Variants in KCNIP2 observed in about 807,000 individuals in gnomAD.
KCNIP2 encodes potassium voltage-gated channel interacting protein 2, also known as A-type potassium channel modulatory protein KCNIP2.
Under a neutral mutation model 39.0 loss-of-function variants are expected in KCNIP2, and 19 were observed. The ratio of observed to expected loss-of-function variants is 0.49; its 90% CI spans 0.34 to 0.71. The LOEUF is 0.71. KCNIP2 is among the 30% of genes least tolerant of loss of function. The pLI is 0.01. For missense variants in KCNIP2, 261 were observed against 346.0 expected (o/e 0.75, Z 1.95); for synonymous variants, 111 against 131.2 (o/e 0.85, Z 1.05).
At chr10:101,830,931 G>T in intron 2 of KCNIP2, 141 bp downstream of exon 2, 1 of 787,842 alleles carries the variant, frequency 1.3e-6, no homozygotes, top group Non-Finnish European at 2.1e-6. Context: ...CACACACGCA[G>T]GCCTGGGGCA....
intron 1 of KCNIP2, among the ~76,000 whole-genome samples, chr10:101,834,608 C>T (rs2066094779): frequency 6.6e-6 from 1 of 152,216 alleles, no homozygotes; most frequent in Non-Finnish European, 1.5e-5. Context: ...GGACTGGCAC[C>T]TCCTTGGGAA....
At position 101,838,683 on chromosome 10, in the gene KCNIP2, G is replaced by A. The variant is rs2066232931; in HGVS notation, c.73+4813C>T. On this transcript the variant is annotated intron_variant, in intron 1 of 9. Coordinates refer to ENST00000356640, the MANE Select transcript of KCNIP2 (RefSeq NM_173191.3). This position sits in a 1 kb window ranked among gnomAD's most constrained non-coding sequence, Gnocchi z 4.0. ...GGGCTTGGAGGTTGTATGCTCCCCA[G>A]AAGATTTCCAGGTATGGTTCTGGCT... is the stretch of plus-strand genomic sequence containing the variant. 6.6e-6 allele frequency among the ~76,000 whole-genome samples: 1 copy of A among 152,200 alleles called. No homozygotes were observed. Among genetic ancestry groups the A allele is most frequent in the Non-Finnish European group, 1.5e-5 (1 of 68,042 alleles).
At chr10:101,840,993 C>T (rs1451326617) in intron 1 of KCNIP2, among the ~76,000 whole-genome samples, 2 of 152,248 alleles carry the variant, frequency 1.3e-5, no homozygotes, top group Non-Finnish European at 2.9e-5. Context: ...GACAGGGCCG[C>T]TGCTAAACGC....
At chr10:101,839,616 G>C (rs1164050606) in intron 1 of KCNIP2, 5 of 792,882 alleles carry the variant, frequency 6.3e-6, no homozygotes, top group Non-Finnish European at 1.1e-5. Flanking sequence ...ATCTCGTCTT[G>C]GAAGCCCTTT....
intron 1 of KCNIP2, among the ~76,000 whole-genome samples, chr10:101,840,550 A>ACCCCCCCCCCC (rs5787446): frequency 1.0e-5 from 1 of 95,966 alleles, no homozygotes; most frequent in Non-Finnish European, 2.0e-5. Flanking sequence ...CCCCCCCCGC[A>ACCCCCCCCCCC]CCCCCCCCCC....
intron 1 of KCNIP2, chr10:101,839,910 C>A: frequency 6.9e-7 from 1 of 1,446,186 alleles, no homozygotes; most frequent in Non-Finnish European, 9.2e-7. Context: ...CCGCCCTCAC[C>A]CGGGTAGGCC....
At chr10:101,841,397 C>T (rs2066335499) in intron 1 of KCNIP2, among the ~76,000 whole-genome samples, 1 of 152,182 alleles carries the variant, frequency 6.6e-6, no homozygotes. Flanking sequence ...AGCTCAGCGC[C>T]GCCCGCCCGC....
At chr10:101,834,443 C>T (rs961964547) in intron 1 of KCNIP2, 1 of 398,886 alleles carries the variant, frequency 2.5e-6, no homozygotes, top group Non-Finnish European at 4.4e-6. Flanking sequence ...CCACCTCCCC[C>T]TCAGACTCCC....
chr10:101,842,897 G>T (rs2066373668), intron 1 of KCNIP2, among the ~76,000 whole-genome samples: 1 of 152,168 alleles, frequency 6.6e-6, no homozygotes, highest in Non-Finnish European at 1.5e-5. Context: ...ACAAATTCTT[G>T]CCCAGAGGGC....
Position 101,829,170 on chromosome 10 carries a change from T to C in KCNIP2, c.253A>G (p.Thr85Ala). 1.2e-6 allele frequency: 2 copies of C among 1,614,018 alleles called. No individual in the cohort carries two copies. The highest frequency in any genetic ancestry group is 1.7e-6 in the Non-Finnish European group (2 of 1,179,970). The stretch of plus-strand genomic sequence containing the variant: ...AGACCCTCAGGCCGGTGACACACGG[T>C]GGACAATTCAAATTCATCGTCCACG... ...DSVDDEFELS[T>A]VCHRPEGLEQ... Residue 85 changes from threonine to alanine, a missense_variant, in exon 4 of 10, where the codon ACC becomes GCC. Transcript: ENST00000356640.
intron 1 of KCNIP2, among the ~76,000 whole-genome samples, chr10:101,833,300 C>G (rs2066052041): frequency 6.6e-6 from 1 of 152,112 alleles, no homozygotes; most frequent in South Asian, 2.1e-4. Context: ...ATTACTCTCC[C>G]TACTGACTTT....
At chr10:101,835,771 CTGAGCATTCACTAT>C (rs1158927378) in intron 1 of KCNIP2, among the ~76,000 whole-genome samples, 1 of 152,196 alleles carries the variant, frequency 6.6e-6, no homozygotes, top group Non-Finnish European at 1.5e-5. Context: ...CTAACGGTGA[CTGAGCATTCACTAT>C]GTACTAGATA....
In KCNIP2 at chr10:101,828,660, T is replaced by C. The variant is rs919400815; in HGVS notation, c.385A>G (p.Lys129Glu). The C allele has an allele frequency of 1.2e-6, 2 of 1,614,048 alleles. No homozygotes were observed. The highest frequency in any genetic ancestry group is 2.7e-5 in the African/African-American group (2 of 74,912). The change falls in exon 5 of 10, where the codon AAG (lysine) becomes GAG (glutamate). Residue 129 changes from lysine to glutamate, a missense_variant. By Grantham distance (56) the Lys-to-Glu change is moderately conservative. Coordinates refer to ENST00000356640, the MANE Select transcript of KCNIP2 (RefSeq NM_173191.3). This position sits in a 1 kb window ranked among gnomAD's most constrained non-coding sequence, Gnocchi z 6.6. ...PSGIVNEENF[K>E]QIYSQFFPQG... ...GGAAAGAACTGGGAGTAAATCTGCTTGAAGTTCTCCTCATTGACAATTCCG... is the reference window on the plus strand; with the variant it reads ...GGAAAGAACTGGGAGTAAATCTGCTCGAAGTTCTCCTCATTGACAATTCCG...
rs570356414 is a variant in KCNIP2 at position 101,843,177 on chromosome 10, G to A, written c.73+319C>T. Among the ~76,000 whole-genome samples, 6 of 151,922 alleles carry A rather than the reference G, an allele frequency of 3.9e-5. No individual in the cohort carries two copies. The highest frequency in any genetic ancestry group is 2.6e-4 in the Admixed American group (4 of 15,286). On this transcript the variant is annotated intron_variant, in intron 1 of 9. Transcript: ENST00000356640. The surrounding 1 kb of genome is among the most constrained non-coding windows in gnomAD (Gnocchi z 6.7). ...GGCACATGGCAACCAGCTGTGGGAG[G>A]TGCGCGCGCACACACACACACACAC...
intron 1 of KCNIP2, among the ~76,000 whole-genome samples, chr10:101,841,653 A>G (rs2066342897): frequency 6.6e-6 from 1 of 152,196 alleles, no homozygotes; most frequent in African/African-American, 2.4e-5. Context: ...TACAGATGAG[A>G]AAGGTGAGGC....
rs553990082 is a variant in KCNIP2 at position 101,831,763 on chromosome 10, T to C, written c.74-596A>G. Among the ~76,000 whole-genome samples, 143 of 152,292 alleles carry C rather than the reference T, an allele frequency of 9.4e-4. 1 individual carries two copies. Among genetic ancestry groups the C allele is most frequent in the African/African-American group, 3.3e-3 (139 of 41,534 alleles). On this transcript the variant is annotated intron_variant, in intron 1 of 9. Coordinates refer to ENST00000356640, the MANE Select transcript of KCNIP2 (RefSeq NM_173191.3). ...CATATAGGCCATCTCACACACAGCA[T>C]GATCAAACCACACAAGAACACACAA...
intron 1 of KCNIP2, chr10:101,834,381 G>C (rs1010915318): frequency 2.5e-6 from 1 of 399,170 alleles, no homozygotes; most frequent in African/African-American, 2.1e-5. Context: ...GTGGGCCTGG[G>C]GCATGGCCCC....
chr10:101,835,901 A>G (rs1480076950), intron 1 of KCNIP2, among the ~76,000 whole-genome samples: 1 of 152,260 alleles, frequency 6.6e-6, no homozygotes, highest in African/African-American at 2.4e-5. Flanking sequence ...GTCAAAGAGA[A>G]GTTAAGCAAA....
At position 101,828,939 on chromosome 10, in the gene KCNIP2, TAGA is replaced by T; in HGVS notation, c.348+133_348+135del. 1 of 1,506,510 alleles carries T rather than the reference TAGA, an allele frequency of 6.6e-7. No homozygotes were observed. The highest frequency in any genetic ancestry group is 1.7e-4 in the Middle Eastern group (1 of 5,756). The allele number at this position is 1,506,510 out of a possible 1,614,324, so 93.3% of individuals were successfully genotyped here. The stretch of plus-strand genomic sequence containing the variant: ...CTGGCCCCGCCCCAGAACCTCCAGC[TAGA>T]AGTTCAGTCTCAGGGCCTTGCCTCC... On this transcript the variant is annotated intron_variant, in intron 4 of 9. Transcript: ENST00000356640. This position sits in a 1 kb window ranked among gnomAD's most constrained non-coding sequence, Gnocchi z 6.6.
Sources: gnomAD v4.1 joint callset for allele counts (sites outside exome capture counted in the v4.1 genomes callset) on GRCh38, gnomAD v4.1.1 for gene constraint, Gnocchi (gnomAD v3.1) non-coding constraint, MANE v1.5 for transcripts, NCBI Gene and HGNC (gene_info 2026-07-23, HGNC 2026-07-21) for gene names.